The following LRP1B variants were observed in gnomAD, a reference collection of about 807,000 sequenced individuals.
The protein encoded by LRP1B is LDL receptor related protein 1B.
LRP1B carries 217 observed loss-of-function variants against 556.6 expected under a neutral mutation model. That is an observed-to-expected ratio of 0.39 (90% CI 0.35 to 0.44). LRP1B has a LOEUF of 0.44. Ranked by LOEUF, LRP1B falls within the 20% of genes least tolerant of loss-of-function variation. The pLI is 1.00. For synonymous variants in LRP1B, 2,047 were observed against 1,865.8 expected, an observed-to-expected ratio of 1.10 and a Z score of -2.50; for missense variants, 5,053 against 5,620.8, an observed-to-expected ratio of 0.90 and a Z score of 3.23.
At chr2:140,955,520 G>A (rs576926308) in intron 18 of LRP1B, among the ~76,000 whole-genome samples, 1 of 151,766 alleles carries the variant, frequency 6.6e-6, no homozygotes, top group South Asian at 2.1e-4. Context: ...TGGCTTACAT[G>A]TCATCAAGTT....
chr2:140,957,606 G>T (rs779195940), intron 18 of LRP1B, among the ~76,000 whole-genome samples: 3 of 151,544 alleles, frequency 2.0e-5, no homozygotes, highest in Non-Finnish European at 3.0e-5. Context: ...TGTATACAAA[G>T]AATATAAATT....
intron 87 of LRP1B, among the ~76,000 whole-genome samples, chr2:140,241,459 A>G (rs1310619942): frequency 6.6e-6 from 1 of 150,718 alleles, no homozygotes; most frequent in East Asian, 2.0e-4. Flanking sequence ...GCAATTATAA[A>G]TCATTTTTTA....
chr2:140,912,269 T>G (rs1458948973), intron 21 of LRP1B, among the ~76,000 whole-genome samples: 1 of 151,714 alleles, frequency 6.6e-6, no homozygotes, highest in Admixed American at 6.6e-5. Flanking sequence ...ACATATTGAT[T>G]TTTACTTGAT....
rs188935774 is a variant in LRP1B, at chr2:140,325,250, C to T, written c.12340+512G>A. Among the ~76,000 whole-genome samples the T allele has an allele frequency of 3.6e-4, 55 of 152,018 alleles. 1 individual carries two copies. The highest frequency in any genetic ancestry group is 3.4e-3 in the Middle Eastern group (1 of 294). Reference sequence around the variant, plus strand: ...CCAGGCAGATAGGTGGGCATAAAACCGGTATAGCAACAGAGGAGCACAAGT... The same window carrying T: ...CCAGGCAGATAGGTGGGCATAAAACTGGTATAGCAACAGAGGAGCACAAGT... On this transcript the variant is annotated intron_variant, in intron 80 of 90. Transcript: ENST00000389484.
At chr2:141,452,488 T>G (rs1272475417) in intron 3 of LRP1B, among the ~76,000 whole-genome samples, 1 of 152,220 alleles carries the variant, frequency 6.6e-6, no homozygotes, top group Non-Finnish European at 1.5e-5. Context: ...AGTTCCTCAA[T>G]GCTGAATTCT....
chr2:141,793,334 T>A (rs1695685228), intron 2 of LRP1B, among the ~76,000 whole-genome samples: 1 of 151,956 alleles, frequency 6.6e-6, no homozygotes, highest in South Asian at 2.1e-4. Flanking sequence ...CTTAAACACA[T>A]TTTTGCTGGA....
intron 86 of LRP1B, among the ~76,000 whole-genome samples, chr2:140,264,868 T>A (rs1391840234): frequency 6.6e-6 from 1 of 151,548 alleles, no homozygotes; most frequent in Non-Finnish European, 1.5e-5. Context: ...ATAATAAGAG[T>A]TAACTAGAAA....
chr2:140,248,012 C>T (rs1325320185), intron 86 of LRP1B, among the ~76,000 whole-genome samples: 1 of 151,444 alleles, frequency 6.6e-6, no homozygotes, highest in African/African-American at 2.4e-5. Flanking sequence ...ACCACCATAT[C>T]AAGAATAGTT....
At position 140,357,972 on chromosome 2, in the gene LRP1B, A is replaced by C; in HGVS notation, c.11395+7T>G. On this transcript the variant is annotated splice_region_variant and intron_variant, in intron 74 of 90. Transcript: ENST00000389484. The stretch of plus-strand genomic sequence containing the variant: ...CCGGTGCTTTGCTTAACAGAAAACA[A>C]GCTCACCTATTCTGCATCCTTGCTC... 6.2e-7 allele frequency: 1 copy of C among 1,603,972 alleles called. No individual in the cohort carries two copies. The highest frequency in any genetic ancestry group is 8.5e-7 in the Non-Finnish European group (1 of 1,172,958).
In LRP1B at chr2:142,020,728, A is replaced by T. The variant is rs145376777; in HGVS notation, c.82+109920T>A. 6.8e-3 allele frequency among the ~76,000 whole-genome samples: 1,039 copies of T among 152,272 alleles called. 10 individuals are homozygous for T. The highest frequency in any genetic ancestry group is 0.023 in the African/African-American group (941 of 41,562). On this transcript the variant is annotated intron_variant, in intron 1 of 90. Transcript: ENST00000389484. Reference sequence around the variant, plus strand: ...AAAAAAGACTAAATAAATAAATAAAAAAAAGCCTTCCCAGTGTGTGAATTC... The same window carrying T: ...AAAAAAGACTAAATAAATAAATAAATAAAAGCCTTCCCAGTGTGTGAATTC...
chr2:140,891,343 A>T (rs1371796424), intron 23 of LRP1B, among the ~76,000 whole-genome samples: 1 of 152,118 alleles, frequency 6.6e-6, no homozygotes, highest in African/African-American at 2.4e-5. Context: ...GCCTAGGAAA[A>T]AGAGTCCTTC....
At chr2:141,772,250 T>G (rs1243986165) in intron 2 of LRP1B, among the ~76,000 whole-genome samples, 1 of 152,174 alleles carries the variant, frequency 6.6e-6, no homozygotes, top group South Asian at 2.1e-4. Context: ...ATATTTCTTT[T>G]GTTTAAGCCA....
chr2:142,020,362 G>A (rs1414027240), intron 1 of LRP1B, among the ~76,000 whole-genome samples: 2 of 152,108 alleles, frequency 1.3e-5, no homozygotes, highest in African/African-American at 4.8e-5. Context: ...TTTGGAAGAG[G>A]ACAAACATGT....
At chr2:140,774,653 T>C (rs186861694) in intron 33 of LRP1B, among the ~76,000 whole-genome samples, 291 of 152,310 alleles carry the variant, frequency 1.9e-3, no homozygotes, top group African/African-American at 5.7e-3. Context: ...TTTACAATAG[T>C]ACTGTGAGTT....
At chr2:140,593,637 A>G (rs1263182086) in intron 43 of LRP1B, among the ~76,000 whole-genome samples, 1 of 152,160 alleles carries the variant, frequency 6.6e-6, no homozygotes, top group Non-Finnish European at 1.5e-5. Flanking sequence ...AGCCAATCAT[A>G]TTATTTTTAT....
At chr2:141,945,535 A>G (rs1266270426) in intron 1 of LRP1B, among the ~76,000 whole-genome samples, 1 of 135,850 alleles carries the variant, frequency 7.4e-6, no homozygotes, top group Non-Finnish European at 1.6e-5. Flanking sequence ...ATGTATGTAT[A>G]TATGTATATA....
intron 6 of LRP1B, among the ~76,000 whole-genome samples, chr2:141,213,324 G>A (rs1354294008): frequency 6.6e-6 from 1 of 152,032 alleles, no homozygotes; most frequent in Non-Finnish European, 1.5e-5. Context: ...ATAAAAACAA[G>A]TAAGATAATT....
chr2:141,256,809 T>G (rs186036874), intron 3 of LRP1B, among the ~76,000 whole-genome samples: 1 of 152,144 alleles, frequency 6.6e-6, no homozygotes, highest in African/African-American at 2.4e-5. Context: ...GGTCTATCTT[T>G]GAAGAGAAGT....
At chr2:141,345,119 G>A (rs1688197515) in intron 3 of LRP1B, among the ~76,000 whole-genome samples, 1 of 92,762 alleles carries the variant, frequency 1.1e-5, no homozygotes, top group African/African-American at 5.0e-5. Context: ...TGGCTTGAAT[G>A]ATGGAAGAGG....
Sources: allele counts gnomAD v4.1 joint callset (sites outside exome capture counted in the v4.1 genomes callset), GRCh38; gene constraint gnomAD v4.1.1; transcripts MANE v1.5; gene names NCBI Gene and HGNC (gene_info 2026-07-23, HGNC 2026-07-21).